Variants in PABPC4L observed in about 807,000 individuals in gnomAD.
The protein encoded by PABPC4L is poly(A) binding protein cytoplasmic 4 like.
For synonymous variants in PABPC4L, 169 were observed against 164.1 expected (o/e 1.03, Z -0.23); for missense variants, 452 against 451.4 (o/e 1.00, Z -0.01).
chr4:134,161,982 T>G, the PABPC4L span, among the ~76,000 whole-genome samples: 1 of 152,134 alleles, frequency 6.6e-6, no homozygotes, highest in South Asian at 2.1e-4. Flanking sequence ...TCTTTCTTTT[T>G]TCTTTTGTTT....
At chr4:134,161,641 G>T in the PABPC4L span, among the ~76,000 whole-genome samples, 2 of 152,212 alleles carry the variant, frequency 1.3e-5, no homozygotes, top group African/African-American at 4.8e-5. Context: ...TTCATCAACA[G>T]CAGACTTGTC....
the PABPC4L span, among the ~76,000 whole-genome samples, chr4:133,969,169 T>C: frequency 6.6e-6 from 1 of 152,210 alleles, no homozygotes; most frequent in East Asian, 1.9e-4. Context: ...TCACTCTATA[T>C]ACACTTGATA....
chr4:133,966,428 C>T, the PABPC4L span, among the ~76,000 whole-genome samples: 1 of 152,122 alleles, frequency 6.6e-6, no homozygotes, highest in Non-Finnish European at 1.5e-5. Flanking sequence ...GTGAAACTAC[C>T]ATTTGAACCA....
the PABPC4L span, among the ~76,000 whole-genome samples, chr4:134,044,713 A>G: frequency 6.6e-6 from 1 of 152,222 alleles, no homozygotes; most frequent in Non-Finnish European, 1.5e-5. Flanking sequence ...TCTAATGCTT[A>G]TTAATGTGAA....
At chr4:134,165,869 A>T in the PABPC4L span, among the ~76,000 whole-genome samples, 1 of 152,212 alleles carries the variant, frequency 6.6e-6, no homozygotes, top group African/African-American at 2.4e-5. Flanking sequence ...CAATTGCGTT[A>T]GTGACCAACA....
At chr4:133,994,106 C>T in the PABPC4L span, among the ~76,000 whole-genome samples, 4 of 152,008 alleles carry the variant, frequency 2.6e-5, no homozygotes, top group East Asian at 1.9e-4. Flanking sequence ...GTTGAAGGGG[C>T]CCCATAGGTT....
the PABPC4L span, among the ~76,000 whole-genome samples, chr4:133,975,786 A>T: frequency 1.3e-5 from 2 of 152,110 alleles, no homozygotes; most frequent in Non-Finnish European, 2.9e-5. Flanking sequence ...CATCATACCT[A>T]ACTCCATAAC....
At chr4:134,021,916 T>G in the PABPC4L span, among the ~76,000 whole-genome samples, 2 of 152,122 alleles carry the variant, frequency 1.3e-5, no homozygotes, top group Admixed American at 1.3e-4. Context: ...ATGAGCTTCA[T>G]GTAAAATAAG....
the PABPC4L span, among the ~76,000 whole-genome samples, chr4:134,070,753 G>C: frequency 2.6e-3 from 400 of 152,190 alleles, 4 homozygotes; most frequent in Middle Eastern, 0.017. Flanking sequence ...TGGCAAAAGA[G>C]CTACCATGAG....
At chr4:134,055,725 C>T in the PABPC4L span, among the ~76,000 whole-genome samples, 1 of 147,558 alleles carries the variant, frequency 6.8e-6, no homozygotes, top group African/African-American at 2.5e-5. Context: ...GATCCTAGTG[C>T]TTTGTCATAA....
chr4:134,135,563 T>G, the PABPC4L span, among the ~76,000 whole-genome samples: 1 of 152,112 alleles, frequency 6.6e-6, no homozygotes, highest in Non-Finnish European at 1.5e-5. Flanking sequence ...GCCGGTATGG[T>G]GGCTCATGAC....
chr4:133,950,823 A>C, the PABPC4L span, among the ~76,000 whole-genome samples: 1 of 152,088 alleles, frequency 6.6e-6, no homozygotes, highest in Non-Finnish European at 1.5e-5. Context: ...GAACTGTGTT[A>C]CCTCTGCTGG....
the PABPC4L span, among the ~76,000 whole-genome samples, chr4:133,990,367 G>T: frequency 3.3e-5 from 5 of 152,014 alleles, no homozygotes; most frequent in Non-Finnish European, 7.4e-5. Context: ...TATTATAATT[G>T]TTTTGAGGTA....
chr4:133,961,708 C>T, the PABPC4L span, among the ~76,000 whole-genome samples: 2 of 152,052 alleles, frequency 1.3e-5, no homozygotes, highest in Admixed American at 1.3e-4. Context: ...TGAGCTTTCG[C>T]TTGCCGTCCA....
chr4:134,045,681 A>G, the PABPC4L span, among the ~76,000 whole-genome samples: 2 of 152,140 alleles, frequency 1.3e-5, no homozygotes, highest in African/African-American at 4.8e-5. Flanking sequence ...GTGAGAGCCC[A>G]TGATCCTGCA....
chr4:134,050,706 C>CAAAAAAAAAAA, the PABPC4L span, among the ~76,000 whole-genome samples: 34 of 82,978 alleles, frequency 4.1e-4, 1 homozygote, highest in Non-Finnish European at 5.8e-4. Context: ...CACCGTCTCC[C>CAAAAAAAAAAA]AAAAAAAAAA....
chr4:134,024,811 C>G, the PABPC4L span, among the ~76,000 whole-genome samples: 1 of 124,406 alleles, frequency 8.0e-6, no homozygotes, highest in Non-Finnish European at 1.7e-5. Context: ...AATAAACTAG[C>G]TTTTTTTTTT....
At chr4:134,184,430 C>A in the PABPC4L span, among the ~76,000 whole-genome samples, 2 of 152,004 alleles carry the variant, frequency 1.3e-5, no homozygotes, top group Non-Finnish European at 2.9e-5. Context: ...CCACTGGCAA[C>A]CACTGATTTT....
At chr4:133,965,443 T>C in the PABPC4L span, among the ~76,000 whole-genome samples, 1 of 152,000 alleles carries the variant, frequency 6.6e-6, no homozygotes, top group Admixed American at 6.6e-5. Flanking sequence ...TACCACCATC[T>C]TTCTTCACAG....
Sources: gnomAD v4.1 joint callset for allele counts (sites outside exome capture counted in the v4.1 genomes callset) on GRCh38, gnomAD v4.1.1 for gene constraint, MANE v1.5 for transcripts, NCBI Gene and HGNC (gene_info 2026-07-23, HGNC 2026-07-21) for gene names.